ROBO2: variants seen among roughly 807,000 people sequenced by gnomAD.
The protein encoded by ROBO2 is roundabout guidance receptor 2.
ROBO2 carries 53 observed loss-of-function variants against 160.8 expected under a neutral mutation model. That is an observed-to-expected ratio of 0.33 (90% CI 0.26 to 0.41). The LOEUF (loss-of-function observed/expected upper bound fraction) is 0.41, where lower values mean the gene tolerates loss of function less well. Ranked by LOEUF, ROBO2 falls within the 10% of genes least tolerant of loss-of-function variation. ROBO2 has a pLI of 1.00. For missense variants in ROBO2, 1,577 were observed against 1,722.4 expected (o/e 0.92, Z 1.49); for synonymous variants, 664 against 611.7 (o/e 1.09, Z -1.26).
At chr3:76,718,528 C>G (rs1263867924) in intron 2 of ROBO2, among the ~76,000 whole-genome samples, 1 of 152,106 alleles carries the variant, frequency 6.6e-6, no homozygotes, top group African/African-American at 2.4e-5. Context: ...CATCTTGGAA[C>G]AATTTACTGA....
chr3:77,363,134 G>C (rs746390357), intron 2 of ROBO2, among the ~76,000 whole-genome samples: 62 of 152,288 alleles, frequency 4.1e-4, no homozygotes, highest in Non-Finnish European at 1.5e-4. Context: ...AGCATAGAAA[G>C]TGTTACTAAA....
At chr3:77,618,663 C>A (rs1238682295) in intron 22 of ROBO2, among the ~76,000 whole-genome samples, 1 of 151,796 alleles carries the variant, frequency 6.6e-6, no homozygotes, top group Non-Finnish European at 1.5e-5. Context: ...ATAAATAATT[C>A]TTATTCTCAT....
intron 2 of ROBO2, among the ~76,000 whole-genome samples, chr3:77,460,168 G>GT (rs2082101290): frequency 6.6e-6 from 1 of 152,034 alleles, no homozygotes; most frequent in Non-Finnish European, 1.5e-5. Context: ...TTCTGAATAA[G>GT]TTTCACAGTC....
intron 25 of ROBO2, among the ~76,000 whole-genome samples, chr3:77,645,848 G>T (rs554802723): frequency 1.3e-5 from 2 of 151,994 alleles, no homozygotes; most frequent in South Asian, 4.2e-4. Context: ...GTTCTACTGG[G>T]TGTTTACATT....
chr3:77,486,882 G>T (rs550298304), intron 4 of ROBO2, among the ~76,000 whole-genome samples: 10 of 151,728 alleles, frequency 6.6e-5, no homozygotes, highest in African/African-American at 2.4e-4. Flanking sequence ...TTGTCTTTTC[G>T]CTGGAAGCTT....
chr3:76,149,616 ACACACATCTGTCTAAAG>A lies in ROBO2; in HGVS notation c.109+212040_109+212056del, dbSNP rs1206629139. Among the ~76,000 whole-genome samples, 22 of 122,366 alleles carry A rather than the reference ACACACATCTGTCTAAAG, an allele frequency of 1.8e-4. 3 individuals are homozygous for A. The highest frequency in any genetic ancestry group is 3.5e-4 in the African/African-American group (13 of 37,170). The allele number at this position is 122,366 out of a possible 152,430, so 80.3% of individuals were successfully genotyped here. A position where few individuals can be genotyped will look rare whatever the true frequency, so the allele number is the denominator to read the frequency against. On this transcript the variant is annotated intron_variant, in intron 2 of 26. Transcript: ENST00000487694. ...CTAAAACACACATCATCTGTCTAAA[ACACACATCTGTCTAAAG>A]CACACATCTGTCTAAAGCACACATC...
chr3:77,310,473 A>C (rs944701131), intron 2 of ROBO2, among the ~76,000 whole-genome samples: 1 of 152,116 alleles, frequency 6.6e-6, no homozygotes, highest in African/African-American at 2.4e-5. Flanking sequence ...TGGAGCATAA[A>C]ATTCCTGAAA....
intron 2 of ROBO2, among the ~76,000 whole-genome samples, chr3:76,286,268 G>T (rs1043676690): frequency 4.5e-4 from 69 of 152,230 alleles, no homozygotes; most frequent in Admixed American, 2.0e-3. Context: ...GCAGAGACAG[G>T]ATGTAGAAAA....
intron 21 of ROBO2, among the ~76,000 whole-genome samples, chr3:77,609,726 AT>A (rs1157196608): frequency 1.3e-5 from 2 of 150,500 alleles, no homozygotes; most frequent in African/African-American, 4.9e-5. Context: ...AACACAAATT[AT>A]TTTCAGTATA....
rs556407614 is a variant in ROBO2, at chr3:77,259,621, C to G, written c.388+161281C>G. 1.2e-4 allele frequency among the ~76,000 whole-genome samples: 19 copies of G among 152,320 alleles called. No individual in the cohort carries two copies. The East Asian group carries it at 3.7e-3, about 29-fold the overall frequency. ...AGGAACAAAAAAGGATGATTGCTTA[C>G]TAGCTGCTGTTCTTAGACAAATAAA... On this transcript the variant is annotated intron_variant, in intron 2 of 25. Coordinates refer to ENST00000461745, the Ensembl canonical transcript of ROBO2.
At chr3:76,198,760 G>A (rs748039606) in intron 2 of ROBO2, among the ~76,000 whole-genome samples, 2 of 152,060 alleles carry the variant, frequency 1.3e-5, no homozygotes, top group Admixed American at 1.3e-4. Context: ...CCTTTCTATT[G>A]ATTCTAGGTC....
intron 2 of ROBO2, among the ~76,000 whole-genome samples, chr3:76,604,185 T>G (rs1408512752): frequency 6.6e-6 from 1 of 152,156 alleles, no homozygotes; most frequent in Non-Finnish European, 1.5e-5. Flanking sequence ...ATGAAGAAGA[T>G]AGGGCAGATA....
At chr3:77,311,389 G>A in intron 2 of ROBO2, among the ~76,000 whole-genome samples, 1 of 152,150 alleles carries the variant, frequency 6.6e-6, no homozygotes, top group East Asian at 1.9e-4. Context: ...TGCAAAACTG[G>A]ATTTTAGAAG....
chr3:76,808,214 T>TA (rs1271333515), intron 2 of ROBO2, among the ~76,000 whole-genome samples: 30 of 152,266 alleles, frequency 2.0e-4, no homozygotes, highest in Admixed American at 5.9e-4. Context: ...GCACTGGACT[T>TA]ACTCCAACGA....
chr3:76,482,123 C>T (rs751360825), intron 2 of ROBO2, among the ~76,000 whole-genome samples: 1 of 152,108 alleles, frequency 6.6e-6, no homozygotes, highest in Non-Finnish European at 1.5e-5. Flanking sequence ...CACTTCATTT[C>T]CCAGCATGTG....
chr3:77,141,752 C>T (rs1340177002), intron 2 of ROBO2, among the ~76,000 whole-genome samples: 4 of 152,180 alleles, frequency 2.6e-5, no homozygotes, highest in Admixed American at 2.0e-4. Context: ...GAATTTGGCT[C>T]TGCTGGCAGG....
At chr3:77,443,715 G>A (rs942120907) in intron 2 of ROBO2, among the ~76,000 whole-genome samples, 2 of 151,714 alleles carry the variant, frequency 1.3e-5, no homozygotes, top group African/African-American at 2.4e-5. Flanking sequence ...TCTCATATGA[G>A]TAAAAAGACA....
intron 2 of ROBO2, among the ~76,000 whole-genome samples, chr3:76,121,346 A>T (rs1270984876): frequency 6.6e-6 from 1 of 152,146 alleles, no homozygotes; most frequent in Admixed American, 6.5e-5. Flanking sequence ...AGGGGGGAGG[A>T]AAATAATTGT....
intron 2 of ROBO2, among the ~76,000 whole-genome samples, chr3:76,579,043 A>G (rs2085486419): frequency 6.6e-6 from 1 of 152,130 alleles, no homozygotes; most frequent in Admixed American, 6.6e-5. Context: ...CTCTAGCACT[A>G]TTCTTCCCAC....
Sources: allele counts gnomAD v4.1 joint callset (sites outside exome capture counted in the v4.1 genomes callset), GRCh38; gene constraint gnomAD v4.1.1; transcripts MANE v1.5; gene names NCBI Gene and HGNC (gene_info 2026-07-23, HGNC 2026-07-21).